The following WDFY2 variants were observed in gnomAD, a reference collection of about 807,000 sequenced individuals.
WDFY2 encodes WD repeat and FYVE domain-containing protein 2.
In WDFY2, 36 loss-of-function variants were observed where a neutral mutation model predicts 56.4. That is an observed-to-expected ratio of 0.64 (90% CI 0.49 to 0.84). The LOEUF (loss-of-function observed/expected upper bound fraction) is 0.84. WDFY2 is among the 40% of genes least tolerant of loss of function. WDFY2 has a pLI of 0.00. For missense variants in WDFY2, 444 were observed against 512.2 expected, an observed-to-expected ratio of 0.87 and a Z score of 1.29; for synonymous variants, 176 against 183.7, an observed-to-expected ratio of 0.96 and a Z score of 0.34.
chr13:51,684,134 C>G (rs991998108), intron 3 of WDFY2, among the ~76,000 whole-genome samples: 6 of 152,120 alleles, frequency 3.9e-5, no homozygotes, highest in Non-Finnish European at 8.8e-5. Context: ...ACCTTAAGCT[C>G]ATTGAAACAA....
At chr13:51,731,856 G>A (rs980517235) in intron 6 of WDFY2, among the ~76,000 whole-genome samples, 4 of 152,142 alleles carry the variant, frequency 2.6e-5, no homozygotes, top group African/African-American at 4.8e-5. Flanking sequence ...GTCCAGAGTC[G>A]TAGCCCTTCA....
At chr13:51,609,275 G>C (rs556806925) in intron 1 of WDFY2, among the ~76,000 whole-genome samples, 1 of 152,348 alleles carries the variant, frequency 6.6e-6, no homozygotes, top group African/African-American at 2.4e-5. Flanking sequence ...CAGGAGGGAA[G>C]CATGGTTCTG....
intron 5 of WDFY2, among the ~76,000 whole-genome samples, chr13:51,726,015 A>T (rs560567705): frequency 6.0e-4 from 91 of 152,336 alleles, no homozygotes; most frequent in Non-Finnish European, 1.2e-3. Flanking sequence ...ATTTTACAAA[A>T]TTCTAAAATA....
At chr13:51,674,860 G>T (rs996685446) in intron 2 of WDFY2, among the ~76,000 whole-genome samples, 7 of 152,154 alleles carry the variant, frequency 4.6e-5, no homozygotes, top group Non-Finnish European at 1.0e-4. Flanking sequence ...ACGTTACACA[G>T]CACAAAGTAT....
chr13:51,614,579 A>G (rs1026477499), intron 1 of WDFY2, among the ~76,000 whole-genome samples: 1 of 152,140 alleles, frequency 6.6e-6, no homozygotes, highest in African/African-American at 2.4e-5. Flanking sequence ...TCAGCATTGC[A>G]TCTGCTTTCC....
intron 1 of WDFY2, among the ~76,000 whole-genome samples, chr13:51,642,787 T>A (rs1253499220): frequency 6.6e-6 from 1 of 151,440 alleles, no homozygotes; most frequent in African/African-American, 2.4e-5. Flanking sequence ...TTCAAGTGAT[T>A]CTCCTGCCTC....
At chr13:51,715,408 A>T (rs1191443587) in intron 4 of WDFY2, among the ~76,000 whole-genome samples, 1 of 152,094 alleles carries the variant, frequency 6.6e-6, no homozygotes, top group Non-Finnish European at 1.5e-5. Flanking sequence ...AAAAACTAAG[A>T]CACAAACACA....
chr13:51,739,230 C>A, intron 7 of WDFY2, 55 bp downstream of exon 7: 1 of 1,522,896 alleles, frequency 6.6e-7, no homozygotes, highest in Non-Finnish European at 8.8e-7. Flanking sequence ...CAGCTGACAG[C>A]TAGAACAAAG....
At chr13:51,620,973 G>A (rs1315005386) in intron 1 of WDFY2, among the ~76,000 whole-genome samples, 2 of 152,128 alleles carry the variant, frequency 1.3e-5, no homozygotes, top group African/African-American at 2.4e-5. Flanking sequence ...AGTACTGCCT[G>A]CCCTTACACA....
rs538659726 is a variant in WDFY2, at chr13:51,695,610, G to A, written c.280-7986G>A. Among the ~76,000 whole-genome samples the A allele has an allele frequency of 2.6e-5, 4 of 152,342 alleles. No individual in the cohort carries two copies. The East Asian group carries it at 7.7e-4, about 29-fold the overall frequency. The stretch of plus-strand genomic sequence containing the variant: ...TGCCCCTACTGGGGGGTGCCTCCCA[G>A]TTAGGCTGCTCGGGGGTCAGGGGTC... On this transcript the variant is annotated intron_variant, in intron 3 of 11. Transcript: ENST00000298125.
At chr13:51,743,515 A>G (rs1168593134) in intron 7 of WDFY2, among the ~76,000 whole-genome samples, 2 of 152,230 alleles carry the variant, frequency 1.3e-5, no homozygotes, top group African/African-American at 4.8e-5. Flanking sequence ...GGTTGTTAAG[A>G]TTACTCTTGT....
chr13:51,663,353 A>C (rs888962137), intron 2 of WDFY2, among the ~76,000 whole-genome samples: 1 of 152,170 alleles, frequency 6.6e-6, no homozygotes, highest in Non-Finnish European at 1.5e-5. Context: ...TTTACTGTGC[A>C]TCTACTGTAT....
chr13:51,614,412 G>A (rs2138342082), intron 1 of WDFY2, among the ~76,000 whole-genome samples: 1 of 152,302 alleles, frequency 6.6e-6, no homozygotes, highest in African/African-American at 2.4e-5. Context: ...CAAGTAAACG[G>A]TTATTTTCCT....
intron 6 of WDFY2, among the ~76,000 whole-genome samples, chr13:51,734,843 G>T (rs1003154426): frequency 3.9e-5 from 6 of 152,192 alleles, no homozygotes; most frequent in African/African-American, 1.2e-4. Flanking sequence ...CCAGAAAGAT[G>T]GATTAACTTG....
At chr13:51,758,495 GA>G (rs1372635779) in intron 11 of WDFY2, among the ~76,000 whole-genome samples, 195 bp downstream of exon 11, 3 of 150,096 alleles carry the variant, frequency 2.0e-5, no homozygotes, top group Non-Finnish European at 4.4e-5. Context: ...AGGCTACAGT[GA>G]GCTTTGATCA....
chr13:51,629,610 A>C (rs1954911419), intron 1 of WDFY2, among the ~76,000 whole-genome samples: 1 of 152,188 alleles, frequency 6.6e-6, no homozygotes, highest in African/African-American at 2.4e-5. Context: ...GATAATCATT[A>C]ATAACATCAT....
chr13:51,660,781 A>G (rs1324075454), intron 2 of WDFY2, 118 bp downstream of exon 2: 4 of 812,260 alleles, frequency 4.9e-6, no homozygotes, highest in Non-Finnish European at 7.9e-6. Context: ...AATGAAAAGT[A>G]CCATATTAAA....
intron 5 of WDFY2, among the ~76,000 whole-genome samples, chr13:51,722,182 C>A (rs2138637429): frequency 6.6e-6 from 1 of 152,198 alleles, no homozygotes; most frequent in Middle Eastern, 3.4e-3. Flanking sequence ...GAGACCTCCA[C>A]AGATGAACTC....
intron 1 of WDFY2, among the ~76,000 whole-genome samples, chr13:51,628,616 C>G (rs750642246): frequency 2.0e-5 from 3 of 152,220 alleles, no homozygotes; most frequent in Admixed American, 6.5e-5. Flanking sequence ...AGCGGCACCC[C>G]CCCTGCTGCA....
Sources: allele counts gnomAD v4.1 joint callset (sites outside exome capture counted in the v4.1 genomes callset), GRCh38; gene constraint gnomAD v4.1.1; transcripts MANE v1.5; gene names NCBI Gene and HGNC (gene_info 2026-07-23, HGNC 2026-07-21).